Variants in TENM3 observed in about 807,000 individuals in gnomAD.
TENM3 encodes teneurin-3.
Under a neutral mutation model 255.1 loss-of-function variants are expected in TENM3, and 63 were observed. The ratio of observed to expected loss-of-function variants is 0.25; its 90% CI spans 0.20 to 0.30. TENM3 has a LOEUF of 0.30. Ranked by LOEUF, TENM3 falls within the 10% of genes least tolerant of loss-of-function variation. The probability of loss-of-function intolerance (pLI) is 1.00; values close to 1 mark genes in which losing one functional copy is unlikely to be tolerated. For missense variants in TENM3, 2,929 were observed against 3,461.1 expected (o/e 0.85, Z 3.86); for synonymous variants, 1,306 against 1,322.3 (o/e 0.99, Z 0.27).
the TENM3 span, among the ~76,000 whole-genome samples, chr4:181,577,984 T>C: frequency 6.6e-6 from 1 of 152,172 alleles, no homozygotes; most frequent in Non-Finnish European, 1.5e-5. Flanking sequence ...CATTGCTCTT[T>C]CATGTTGATG....
chr4:181,679,474 T>C, the TENM3 span, among the ~76,000 whole-genome samples: 1 of 152,182 alleles, frequency 6.6e-6, no homozygotes, highest in Admixed American at 6.6e-5. Flanking sequence ...TACATAAAAT[T>C]CTTATGCACA....
At chr4:181,625,512 T>C in the TENM3 span, among the ~76,000 whole-genome samples, 19 of 152,202 alleles carry the variant, frequency 1.2e-4, 1 homozygote, top group African/African-American at 4.3e-4. Flanking sequence ...TGTTTTCCTT[T>C]TGAAATAATA....
At chr4:182,512,428 A>G (rs1197997839) in intron 3 of TENM3, among the ~76,000 whole-genome samples, 2 of 152,216 alleles carry the variant, frequency 1.3e-5, no homozygotes, top group African/African-American at 4.8e-5. Flanking sequence ...ATGAGAAAGA[A>G]AAGCTTTTGT....
the TENM3 span, among the ~76,000 whole-genome samples, chr4:181,677,867 C>G: frequency 2.6e-5 from 4 of 152,108 alleles, no homozygotes; most frequent in African/African-American, 9.7e-5. Context: ...TTGCGCTTCT[C>G]CTTACACAGG....
At chr4:182,090,382 G>A in the TENM3 span, among the ~76,000 whole-genome samples, 3 of 152,164 alleles carry the variant, frequency 2.0e-5, no homozygotes, top group Non-Finnish European at 4.4e-5. Context: ...CAGTCCATTA[G>A]TGACCAGGAA....
rs146065963 is a variant in TENM3, at chr4:182,793,277, C to A, written c.6605C>A (p.Thr2202Lys). 3.7e-6 allele frequency: 6 copies of A among 1,613,674 alleles called. No individual in the cohort carries two copies. The highest frequency in any genetic ancestry group is 3.3e-5 in the Admixed American group (2 of 59,980). ...GATGGTTTCCTACGTCAAAGGGGCA[C>A]GGAAATCTTTGAATATAGCTCCAAG... ...DEDGFLRQRG[T>K]EIFEYSSKGL... The change falls in exon 26 of 28, where the codon ACG (threonine) becomes AAG (lysine). Residue 2202 changes from threonine (T) to lysine (K), a missense_variant. By Grantham distance (78) the Thr-to-Lys change is moderately conservative (BLOSUM62 -1). Coordinates refer to ENST00000511685, the MANE Select transcript of TENM3 (RefSeq NM_001080477.4). This position sits in a 1 kb window ranked among gnomAD's most constrained non-coding sequence, Gnocchi z 5.7.
chr4:181,807,448 G>A, the TENM3 span, among the ~76,000 whole-genome samples: 1 of 152,140 alleles, frequency 6.6e-6, no homozygotes, highest in African/African-American at 2.4e-5. Context: ...CCGCCTCCCG[G>A]GTTCAAGTGA....
intron 3 of TENM3, among the ~76,000 whole-genome samples, chr4:182,445,319 T>C (rs1440865404): frequency 2.0e-5 from 3 of 152,194 alleles, no homozygotes; most frequent in Non-Finnish European, 4.4e-5. Flanking sequence ...GAAAATTAAA[T>C]AAAAATGGTG....
chr4:182,415,605 A>T (rs1469898823), intron 3 of TENM3, among the ~76,000 whole-genome samples: 4 of 152,204 alleles, frequency 2.6e-5, no homozygotes, highest in African/African-American at 7.2e-5. Flanking sequence ...AATGTAAAGT[A>T]AGCTTTATTA....
intron 12 of TENM3, among the ~76,000 whole-genome samples, chr4:182,699,425 T>A (rs1579154431): frequency 1.3e-5 from 2 of 152,324 alleles, no homozygotes; most frequent in East Asian, 3.9e-4. Flanking sequence ...ACTGTGAAAT[T>A]AATGGTTTGC....
rs138580832 is a variant in TENM3 at position 182,607,574 on chromosome 4, A to G, written c.749+6413A>G. Among the ~76,000 whole-genome samples, 315 of 152,336 alleles carry G rather than the reference A, an allele frequency of 2.1e-3. 2 individuals are homozygous for G. Among genetic ancestry groups the G allele is most frequent in the Middle Eastern group, 6.8e-3 (2 of 294 alleles). On this transcript the variant is annotated intron_variant, in intron 4 of 27. Coordinates refer to ENST00000511685, the MANE Select transcript of TENM3 (RefSeq NM_001080477.4). Reference sequence around the variant, plus strand: ...ATGCATTGTCTTCACATCACTCAGAAGTGAGACCCCAGTTTTATTTAAGGT... The same window carrying G: ...ATGCATTGTCTTCACATCACTCAGAGGTGAGACCCCAGTTTTATTTAAGGT...
chr4:182,386,116 G>A (rs1442695803), intron 3 of TENM3, among the ~76,000 whole-genome samples: 1 of 152,216 alleles, frequency 6.6e-6, no homozygotes, highest in Non-Finnish European at 1.5e-5. Flanking sequence ...TTTCTATTTG[G>A]AGAAAATCAA....
intron 16 of TENM3, among the ~76,000 whole-genome samples, chr4:182,731,691 TGG>T (rs200556442): frequency 1.3e-5 from 1 of 76,696 alleles, no homozygotes; most frequent in African/African-American, 6.4e-5. Flanking sequence ...TAGTGGGTGT[TGG>T]GGTGTGTGTG....
At chr4:182,578,707 ATAATAAATTTCTTCC>A (rs1560952081) in intron 3 of TENM3, among the ~76,000 whole-genome samples, 1 of 152,158 alleles carries the variant, frequency 6.6e-6, no homozygotes, top group Non-Finnish European at 1.5e-5. Context: ...TTCTTTTCTC[ATAATAAATTTCTTCC>A]CAGGAACCTC....
chr4:182,517,508 C>T (rs895385355), intron 3 of TENM3, among the ~76,000 whole-genome samples: 2 of 146,152 alleles, frequency 1.4e-5, no homozygotes, highest in East Asian at 2.0e-4. Context: ...CTCAGCCTCC[C>T]GAGTAGCTGG....
chr4:182,169,475 A>T (rs1447208837), intron 1 of TENM3: 1 of 328,252 alleles, frequency 3.0e-6, no homozygotes, highest in Non-Finnish European at 5.9e-6. Flanking sequence ...TACCACCTAA[A>T]ATATGAATGA....
chr4:181,450,769 T>C, the TENM3 span, among the ~76,000 whole-genome samples: 6 of 152,208 alleles, frequency 3.9e-5, no homozygotes, highest in Non-Finnish European at 5.9e-5. Flanking sequence ...CTAGAACTAA[T>C]GTTTTCATAA....
Position 182,546,922 on chromosome 4 carries a change from CTT to C in TENM3, c.512-54000_512-53999del, listed in dbSNP as rs1244349995. ...TACCTGAGTGTGTATGATGAAAAGT[CTT>C]TAATTGTAGGTTTGCAACATGTTTG... On this transcript the variant is annotated intron_variant, in intron 3 of 27. Transcript: ENST00000511685. Among the ~76,000 whole-genome samples, 3 of 152,128 alleles carry C rather than the reference CTT, an allele frequency of 2.0e-5. No individual in the cohort carries two copies. The South Asian group carries it at 6.2e-4, about 32-fold the overall frequency.
intron 24 of TENM3, among the ~76,000 whole-genome samples, chr4:182,786,294 C>T (rs927155414): frequency 2.6e-5 from 4 of 152,064 alleles, no homozygotes; most frequent in African/African-American, 4.8e-5. Context: ...CGGTGGCTCA[C>T]GCCTGCAATC....
Sources: allele counts gnomAD v4.1 joint callset (sites outside exome capture counted in the v4.1 genomes callset), GRCh38; gene constraint gnomAD v4.1.1; non-coding constraint Gnocchi (gnomAD v3.1); transcripts MANE v1.5; gene names NCBI Gene and HGNC (gene_info 2026-07-23, HGNC 2026-07-21).